DACH1: variants seen among roughly 807,000 people sequenced by gnomAD.
The protein encoded by DACH1 is dachshund family transcription factor 1, also known as dachshund homolog 1.
In DACH1, 12 loss-of-function variants were observed where a neutral mutation model predicts 54.2. The ratio of observed to expected loss-of-function variants is 0.22; its 90% CI spans 0.14 to 0.36. The LOEUF (loss-of-function observed/expected upper bound fraction) is 0.36. DACH1 is among the 10% of genes least tolerant of loss of function. The probability of loss-of-function intolerance (pLI) is 1.00; values close to 1 mark genes in which losing one functional copy is unlikely to be tolerated. For missense variants in DACH1, 805 were observed against 929.8 expected, an observed-to-expected ratio of 0.87 and a Z score of 1.75; for synonymous variants, 386 against 366.2, an observed-to-expected ratio of 1.05 and a Z score of -0.62.
At chr13:71,643,635 A>C (rs552291265) in intron 2 of DACH1, among the ~76,000 whole-genome samples, 7 of 152,230 alleles carry the variant, frequency 4.6e-5, no homozygotes, top group Non-Finnish European at 8.8e-5. Context: ...ATCTTACGCT[A>C]TGAGTTTAAC....
At chr13:71,783,815 C>A (rs1044709605) in intron 1 of DACH1, among the ~76,000 whole-genome samples, 2 of 150,652 alleles carry the variant, frequency 1.3e-5, no homozygotes, top group Non-Finnish European at 3.0e-5. Flanking sequence ...ATAAAAGACA[C>A]AAAATAATTT....
At chr13:71,495,458 T>C (rs906348229) in intron 6 of DACH1, among the ~76,000 whole-genome samples, 21 of 152,134 alleles carry the variant, frequency 1.4e-4, no homozygotes, top group African/African-American at 4.8e-4. Flanking sequence ...ACTAGACATA[T>C]TAAATTGGAG....
intron 1 of DACH1, among the ~76,000 whole-genome samples, chr13:71,737,177 C>G (rs1884169190): frequency 6.6e-6 from 1 of 151,848 alleles, no homozygotes; most frequent in African/African-American, 2.4e-5. Context: ...GAGCTAAGAT[C>G]ACGCCTTTGC....
At chr13:71,836,530 A>G (rs1445087076) in intron 1 of DACH1, among the ~76,000 whole-genome samples, 1 of 152,078 alleles carries the variant, frequency 6.6e-6, no homozygotes, top group African/African-American at 2.4e-5. Context: ...TGCAGGAAAA[A>G]AAATGTAATA....
chr13:71,594,168 T>G (rs148512852), intron 3 of DACH1, among the ~76,000 whole-genome samples: 4 of 151,522 alleles, frequency 2.6e-5, no homozygotes, highest in African/African-American at 9.6e-5. Flanking sequence ...ACATCTCTAA[T>G]ATAAAAAAAT....
chr13:71,643,900 AAT>A (rs1300746606), intron 2 of DACH1, among the ~76,000 whole-genome samples: 4 of 152,192 alleles, frequency 2.6e-5, no homozygotes, highest in African/African-American at 4.8e-5. Context: ...CTTAACCAAA[AAT>A]ATATGTTTCT....
chr13:71,503,438 ACTTT>A (rs1441040551), intron 6 of DACH1, among the ~76,000 whole-genome samples: 4 of 152,192 alleles, frequency 2.6e-5, no homozygotes, highest in Non-Finnish European at 5.9e-5. Flanking sequence ...GTAGTTACTT[ACTTT>A]AAGTTAGATG....
At chr13:71,441,462 T>A (rs1187819504) in intron 10 of DACH1, among the ~76,000 whole-genome samples, 1 of 152,050 alleles carries the variant, frequency 6.6e-6, no homozygotes, top group Non-Finnish European at 1.5e-5. Flanking sequence ...TTTAATACCC[T>A]CTAAACTGTC....
intron 1 of DACH1, among the ~76,000 whole-genome samples, chr13:71,795,981 A>T (rs1887031317): frequency 6.6e-6 from 1 of 152,180 alleles, no homozygotes; most frequent in South Asian, 2.1e-4. Context: ...GTTATGAGAC[A>T]TGAACATTCC....
At chr13:71,479,464 T>C in intron 7 of DACH1, 148 bp from the exon 8 acceptor site, 1 of 644,692 alleles carries the variant, frequency 1.6e-6, no homozygotes, top group East Asian at 2.9e-5. Context: ...ACAAATACTA[T>C]AACTAAAGCA....
At position 71,566,765 on chromosome 13, in the gene DACH1, A is replaced by T. The variant is rs146756731; in HGVS notation, c.1299+6075T>A. 3.4e-3 allele frequency among the ~76,000 whole-genome samples: 512 copies of T among 152,236 alleles called. 9 individuals are homozygous for T. The highest frequency in any genetic ancestry group is 0.023 in the Admixed American group (352 of 15,276). On this transcript the variant is annotated intron_variant, in intron 4 of 10. Coordinates refer to ENST00000613252, the MANE Select transcript of DACH1 (RefSeq NM_080759.6). Reference sequence around the variant, plus strand: ...ATATTTAATATCAATATTCAAATAAACCTAAAGAGAACATACTTATTATTT... The same window carrying T: ...ATATTTAATATCAATATTCAAATAATCCTAAAGAGAACATACTTATTATTT...
chr13:71,683,724 T>C (rs1159776847), intron 1 of DACH1, among the ~76,000 whole-genome samples: 1 of 152,144 alleles, frequency 6.6e-6, no homozygotes, highest in Non-Finnish European at 1.5e-5. Flanking sequence ...AACTCTTGTT[T>C]AGTTGTCTGT....
At position 71,720,077 on chromosome 13, in the gene DACH1, C is replaced by CT. The variant is rs1883159125; in HGVS notation, c.849-38168dup. 3.3e-5 allele frequency among the ~76,000 whole-genome samples: 5 copies of CT among 152,262 alleles called. No individual in the cohort carries two copies. In the South Asian group the frequency reaches 8.3e-4, roughly 25 times the overall value. On this transcript the variant is annotated intron_variant, in intron 1 of 10. Coordinates refer to ENST00000613252, the MANE Select transcript of DACH1 (RefSeq NM_080759.6). ...CTTTAAATTACTTGTACACAGAAGA[C>CT]TTCTCTAAGAAGATGAGACTTGAAT...
intron 10 of DACH1, among the ~76,000 whole-genome samples, chr13:71,449,996 C>CCAA (rs1379044728): frequency 2.0e-5 from 3 of 151,786 alleles, no homozygotes; most frequent in African/African-American, 7.3e-5. Context: ...GTTCGGCACG[C>CCAA]CAACATGGCA....
intron 1 of DACH1, among the ~76,000 whole-genome samples, chr13:71,804,999 C>T (rs559666096): frequency 1.3e-4 from 20 of 152,194 alleles, no homozygotes; most frequent in Non-Finnish European, 2.1e-4. Flanking sequence ...TAGCCAATAG[C>T]TACATGTGTC....
chr13:71,856,492 C>G (rs1177696578), intron 1 of DACH1, among the ~76,000 whole-genome samples: 1 of 151,952 alleles, frequency 6.6e-6, no homozygotes, highest in Non-Finnish European at 1.5e-5. Context: ...AAACTATTTT[C>G]ACTTACTTAT....
chr13:71,561,427 T>TGAA (rs1884575819), intron 4 of DACH1, among the ~76,000 whole-genome samples: 1 of 152,206 alleles, frequency 6.6e-6, no homozygotes, highest in East Asian at 1.9e-4. Flanking sequence ...CAAGTAGATG[T>TGAA]GAAGATAGGA....
rs138839883 is a variant in DACH1, at chr13:71,826,398, G to A, written c.848+39524C>T. On this transcript the variant is annotated intron_variant, in intron 1 of 10. Transcript: ENST00000613252. ...CCTCAAAATGGTTGCAGTTTTCCAG[G>A]CTACACAAAACCATTTCTTATGAGC... Among the ~76,000 whole-genome samples the A allele has an allele frequency of 1.6e-3, 249 of 152,062 alleles. 1 individual carries two copies. The highest frequency in any genetic ancestry group is 5.7e-3 in the African/African-American group (237 of 41,498).
At chr13:71,682,507 T>C (rs748099755) in intron 1 of DACH1, among the ~76,000 whole-genome samples, 20 of 152,198 alleles carry the variant, frequency 1.3e-4, no homozygotes, top group Non-Finnish European at 2.2e-4. Context: ...TAAATGACAA[T>C]ACATATCTAA....
Sources: gnomAD v4.1 joint callset for allele counts (sites outside exome capture counted in the v4.1 genomes callset) on GRCh38, gnomAD v4.1.1 for gene constraint, MANE v1.5 for transcripts, NCBI Gene and HGNC (gene_info 2026-07-23, HGNC 2026-07-21) for gene names.